KIAA0319L: variants seen among roughly 807,000 people sequenced by gnomAD.
KIAA0319L encodes KIAA0319 like.
In KIAA0319L, 55 loss-of-function variants were observed where a neutral mutation model predicts 120.1. The ratio of observed to expected loss-of-function variants is 0.46; its 90% CI spans 0.37 to 0.57. The LOEUF (loss-of-function observed/expected upper bound fraction) is 0.57, where lower values mean the gene tolerates loss of function less well. KIAA0319L is among the 20% of genes least tolerant of loss of function. KIAA0319L has a pLI of 0.00. For synonymous variants in KIAA0319L, 398 were observed against 471.9 expected, an observed-to-expected ratio of 0.84 and a Z score of 2.03; for missense variants, 1,049 against 1,255.3, an observed-to-expected ratio of 0.84 and a Z score of 2.48.
At chr1:35,474,136 C>T (rs1643807409) in intron 5 of KIAA0319L, among the ~76,000 whole-genome samples, 1 of 152,120 alleles carries the variant, frequency 6.6e-6, no homozygotes, top group East Asian at 1.9e-4. Context: ...ATGGTCCTTA[C>T]AACGGTCCTG....
Position 35,484,815 on chromosome 1 carries a change from T to TTA in KIAA0319L, c.667-5604_667-5603insTA, listed in dbSNP as rs1301496567. Among the ~76,000 whole-genome samples the TTA allele has an allele frequency of 2.6e-4, 37 of 139,642 alleles. 1 individual carries two copies. Among genetic ancestry groups the TTA allele is most frequent in the African/African-American group, 7.4e-4 (28 of 37,872 alleles). The allele number at this position is 139,642 out of a possible 152,430, so 91.6% of individuals were successfully genotyped here. On this transcript the variant is annotated intron_variant, in intron 3 of 20. Transcript: ENST00000325722. ...ATATATATATATATATATTTTTTTT[T>TTA]TTATTATACTCTAAGTTTTAGGGTA...
intron 20 of KIAA0319L, chr1:35,440,281 C>A (rs1227820598): frequency 1.3e-5 from 2 of 152,234 alleles, no homozygotes; most frequent in Non-Finnish European, 2.9e-5. Flanking sequence ...TGTCTGATGA[C>A]TCCCTATACC....
intron 15 of KIAA0319L, among the ~76,000 whole-genome samples, chr1:35,449,306 A>G (rs186310271): frequency 7.2e-4 from 109 of 152,354 alleles, no homozygotes; most frequent in Non-Finnish European, 7.3e-5. Flanking sequence ...CTATCACCAT[A>G]TTAATCTCAA....
intron 10 of KIAA0319L, among the ~76,000 whole-genome samples, chr1:35,455,649 C>T (rs1396453762): frequency 4.3e-5 from 6 of 140,442 alleles, no homozygotes; most frequent in African/African-American, 1.1e-4. Context: ...GGCGTGATCT[C>T]GGCTCACTGC....
chr1:35,525,360 T>C (rs1337817961), intron 2 of KIAA0319L, among the ~76,000 whole-genome samples: 2 of 152,212 alleles, frequency 1.3e-5, no homozygotes, highest in Non-Finnish European at 2.9e-5. Context: ...AGATAAATAA[T>C]ACCCAGTAGT....
At chr1:35,477,962 A>G (rs1376190508) in intron 4 of KIAA0319L, among the ~76,000 whole-genome samples, 1 of 152,256 alleles carries the variant, frequency 6.6e-6, no homozygotes, top group Non-Finnish European at 1.5e-5. Flanking sequence ...CCATGTTTGC[A>G]GCACTGTTCA....
Position 35,456,111 on chromosome 1 carries a change from T to TG in KIAA0319L, c.1557dup (p.Ile520HisfsTer10). 6.2e-7 allele frequency: 1 copy of TG among 1,613,900 alleles called. No individual in the cohort carries two copies. The highest frequency in any genetic ancestry group is 8.5e-7 in the Non-Finnish European group (1 of 1,179,954). ...GTGCTCTGGTTCCCAAAGAGGGTGA[T>TG]GGAGTTTTGGGGCAGGGTGATCACT... On this transcript the variant is annotated frameshift_variant, in exon 10 of 21. Transcript: ENST00000325722. LOFTEE classifies it high-confidence loss of function.
At chr1:35,483,200 C>T (rs990156624) in intron 3 of KIAA0319L, among the ~76,000 whole-genome samples, 6 of 152,050 alleles carry the variant, frequency 3.9e-5, no homozygotes, top group Non-Finnish European at 5.9e-5. Context: ...CTTCCTTTTT[C>T]GTTTTGTTAG....
intron 7 of KIAA0319L, among the ~76,000 whole-genome samples, chr1:35,466,042 T>G (rs899648908): frequency 6.6e-6 from 1 of 152,212 alleles, no homozygotes; most frequent in Non-Finnish European, 1.5e-5. Context: ...CATGAAAATG[T>G]ACTAATACAA....
At chr1:35,502,420 TGTC>T (rs1242486696) in intron 3 of KIAA0319L, among the ~76,000 whole-genome samples, 5 of 148,928 alleles carry the variant, frequency 3.4e-5, no homozygotes, top group Admixed American at 6.8e-5. Context: ...TTATTGCTGC[TGTC>T]ATCATCATCA....
chr1:35,454,173 C>T (rs948882241), intron 11 of KIAA0319L, 189 bp downstream of exon 11: 3 of 554,028 alleles, frequency 5.4e-6, no homozygotes, highest in Non-Finnish European at 9.5e-6. Context: ...CAAGCTGAGG[C>T]TGGGAAGTAT....
At chr1:35,454,862 T>G (rs1261526608) in intron 10 of KIAA0319L, among the ~76,000 whole-genome samples, 1 of 152,208 alleles carries the variant, frequency 6.6e-6, no homozygotes, top group Non-Finnish European at 1.5e-5. Context: ...AAAAAGATCC[T>G]CTTCCTACTG....
rs1423345410 is a variant in KIAA0319L at position 35,450,492 on chromosome 1, T to C, written c.2080A>G (p.Ile694Val). The change falls in exon 14 of 21, where the codon ATA (isoleucine) becomes GTA (valine). Residue 694 changes from isoleucine to valine, a missense_variant. Transcript: ENST00000325722. ...ACCACATTCCCAGTTATCTTGGCTA[T>C]AGGTGGTTTGTTTATTTCTAATCAA... ...IVKEEINKPP[I>V]AKITGNVVIT... 9 of 1,613,310 alleles carry C rather than the reference T, an allele frequency of 5.6e-6. No individual in the cohort carries two copies. The highest frequency in any genetic ancestry group is 2.2e-5 in the East Asian group (1 of 44,876).
Position 35,442,249 on chromosome 1 carries a change from T to G in KIAA0319L, c.2867A>C (p.Lys956Thr). 1.2e-6 allele frequency: 2 copies of G among 1,610,118 alleles called. No individual in the cohort carries two copies. Among genetic ancestry groups the G allele is most frequent in the Non-Finnish European group, 1.7e-6 (2 of 1,176,396 alleles). Reference sequence around the variant, plus strand: ...TTCAAAGGAAAATCCATCTTACCTCTTACAACAACAGATCACAGTCCAAGA... The same window carrying G: ...TTCAAAGGAAAATCCATCTTACCTCGTACAACAACAGATCACAGTCCAAGA... ...ILSWTVICCC[K>T]RQKGKPKRKS... The change falls in exon 19 of 21, where the codon AAG becomes ACG. Residue 956 changes from lysine to threonine, a missense_variant. Lys to Thr is a moderately conservative substitution (Grantham distance 78, BLOSUM62 -1). Transcript: ENST00000325722.
In KIAA0319L at chr1:35,456,244, A is replaced by G; in HGVS notation, c.1428-3T>C. On this transcript the variant is annotated splice_polypyrimidine_tract_variant and splice_region_variant and intron_variant, in intron 9 of 20. Transcript: ENST00000325722. ...CATCAGAGTCTACTACAGTCAAGCT[A>G]TCAGGGCAGAGAGAGGAGTGTGATC... 6.4e-7 allele frequency: 1 copy of G among 1,553,956 alleles called. No individual in the cohort carries two copies. The highest frequency in any genetic ancestry group is 8.8e-7 in the Non-Finnish European group (1 of 1,142,366).
rs1443863927 is a variant in KIAA0319L at position 35,453,255 on chromosome 1, A to G, written c.1913+302T>C. On this transcript the variant is annotated intron_variant, in intron 12 of 20. Coordinates refer to ENST00000325722, the MANE Select transcript of KIAA0319L (RefSeq NM_024874.5). The surrounding 1 kb of genome is among the most constrained non-coding windows in gnomAD (Gnocchi z 4.1). ...ATTTTTCTGCTCCATTACCCCTTCCATCCTGCCTCTCAAGTGTAATTAAAC... is the reference window on the plus strand; with the variant it reads ...ATTTTTCTGCTCCATTACCCCTTCCGTCCTGCCTCTCAAGTGTAATTAAAC... Among the ~76,000 whole-genome samples, 1 of 152,142 alleles carries G rather than the reference A, an allele frequency of 6.6e-6. No homozygotes were observed. The highest frequency in any genetic ancestry group is 6.5e-5 in the Admixed American group (1 of 15,282).
In KIAA0319L at chr1:35,479,051, A is replaced by C; in HGVS notation, c.828T>G (p.Ala276=). ...AGGAGGGAGCCACTGGCTGGGGGACAGCAATCTGGGTTTTCTCAGAACTTT... is the reference window on the plus strand; with the variant it reads ...AGGAGGGAGCCACTGGCTGGGGGACCGCAATCTGGGTTTTCTCAGAACTTT... ...QVKSSEKTQI[A]VPQPVAPSYS... is the part of the protein sequence containing the mutation. Residue 276 remains alanine (A), a synonymous_variant, in exon 4 of 21, where the codon GCT becomes GCG. Coordinates refer to ENST00000325722, the MANE Select transcript of KIAA0319L (RefSeq NM_024874.5). The C allele has an allele frequency of 6.2e-7, 1 of 1,614,222 alleles. No individual in the cohort carries two copies. The highest frequency in any genetic ancestry group is 8.5e-7 in the Non-Finnish European group (1 of 1,180,026).
intron 3 of KIAA0319L, among the ~76,000 whole-genome samples, chr1:35,503,565 C>G (rs888676402): frequency 2.0e-5 from 3 of 152,174 alleles, no homozygotes; most frequent in African/African-American, 7.2e-5. Flanking sequence ...CTGATGCATG[C>G]TAAAGTTTGA....
At chr1:35,459,596 C>CA (rs60312606) in intron 9 of KIAA0319L, among the ~76,000 whole-genome samples, 4,642 of 103,802 alleles carry the variant, frequency 0.045, 164 homozygotes, top group African/African-American at 0.12. Flanking sequence ...GACTCTGTCT[C>CA]AAAAAAAAAA....
Sources: allele counts gnomAD v4.1 joint callset (sites outside exome capture counted in the v4.1 genomes callset), GRCh38; gene constraint gnomAD v4.1.1; non-coding constraint Gnocchi (gnomAD v3.1); transcripts MANE v1.5; gene names NCBI Gene and HGNC (gene_info 2026-07-23, HGNC 2026-07-21).